The following TRDMT1 variants were observed in gnomAD, a reference collection of about 807,000 sequenced individuals.
TRDMT1 encodes the protein tRNA aspartic acid methyltransferase 1.
In TRDMT1, 49 loss-of-function variants were observed where a neutral mutation model predicts 51.2. That is an observed-to-expected ratio of 0.96 (90% CI 0.76 to 1.21). The LOEUF is 1.21. Ranked by LOEUF, TRDMT1 falls within the 50% of genes most tolerant of loss-of-function variation. The probability of loss-of-function intolerance (pLI) is 0.00; values close to 1 mark genes in which losing one functional copy is unlikely to be tolerated. For missense variants in TRDMT1, 534 were observed against 462.3 expected (o/e 1.16, Z -1.42); for synonymous variants, 187 against 164.6 (o/e 1.14, Z -1.04).
chr10:17,168,710 G>C (rs1437077994), intron 3 of TRDMT1, 131 bp downstream of exon 3: 5 of 622,606 alleles, frequency 8.0e-6, no homozygotes, highest in Non-Finnish European at 1.4e-5. Flanking sequence ...ATGATTGTGA[G>C]GTTTCCCTAG....
At chr10:17,192,683 C>T (rs373367839) in intron 1 of TRDMT1, among the ~76,000 whole-genome samples, 1 of 152,184 alleles carries the variant, frequency 6.6e-6, no homozygotes, top group East Asian at 1.9e-4. Flanking sequence ...AGCCAAACAG[C>T]TTCTTTACTT....
chr10:17,189,221 G>A (rs373611774), intron 1 of TRDMT1, among the ~76,000 whole-genome samples: 10 of 152,126 alleles, frequency 6.6e-5, no homozygotes, highest in Non-Finnish European at 1.3e-4. Context: ...CTATAAGAGT[G>A]TATGTATATA....
Position 17,141,877 on chromosome 10 carries a change from T to C in TRDMT1, c.*7163A>G, listed in dbSNP as rs551811545. ...TAAATTTCTGAAAATAAAGTTAATG[T>C]AACAGACAAAATGTCCAGGATCTAA... On this transcript the variant is annotated 3_prime_UTR_variant, in exon 11 of 11. Coordinates refer to ENST00000377799, the MANE Select transcript of TRDMT1 (RefSeq NM_004412.7). Among the ~76,000 whole-genome samples the C allele has an allele frequency of 1.3e-5, 2 of 152,364 alleles. No individual in the cohort carries two copies. The highest frequency in any genetic ancestry group is 4.8e-5 in the African/African-American group (2 of 41,588).
At chr10:17,198,990 A>T (rs1845806373) in intron 1 of TRDMT1, among the ~76,000 whole-genome samples, 1 of 152,340 alleles carries the variant, frequency 6.6e-6, no homozygotes, top group East Asian at 1.9e-4. Context: ...AGGTAGACCT[A>T]GGTTAAAATA....
At chr10:17,194,038 T>C (rs376112081) in intron 1 of TRDMT1, among the ~76,000 whole-genome samples, 1 of 151,556 alleles carries the variant, frequency 6.6e-6, no homozygotes, top group South Asian at 2.1e-4. Context: ...TTCAACAAAG[T>C]AGACAAAAAA....
chr10:17,195,793 C>A (rs1267014968), intron 1 of TRDMT1, among the ~76,000 whole-genome samples: 1 of 151,954 alleles, frequency 6.6e-6, no homozygotes, highest in Non-Finnish European at 1.5e-5. Flanking sequence ...TCCACAGCTG[C>A]CAGAGAAGAA....
rs1249797200 is a variant in TRDMT1, at chr10:17,142,625, AC to A, written c.*6414del. The A allele has an allele frequency of 2.0e-5, 3 of 151,896 alleles. No homozygotes were observed. Among genetic ancestry groups the A allele is most frequent in the Admixed American group, 6.6e-5 (1 of 15,236 alleles). 9.4% of individuals were successfully genotyped at this position (151,896 alleles called of 1,614,324 possible). On this transcript the variant is annotated 3_prime_UTR_variant, in exon 11 of 11. Coordinates refer to ENST00000377799, the MANE Select transcript of TRDMT1 (RefSeq NM_004412.7). ...TGTTTGTCAGTGGGATTCCTGATAT[AC>A]CCCCGTGCTGGTAGAGCCAGACTCA...
chr10:17,198,046 G>A (rs1482646170), intron 1 of TRDMT1, among the ~76,000 whole-genome samples: 3 of 147,326 alleles, frequency 2.0e-5, no homozygotes, highest in East Asian at 3.9e-4. Flanking sequence ...AAAAAAAAAA[G>A]AAAGAAAAAG....
intron 1 of TRDMT1, among the ~76,000 whole-genome samples, chr10:17,180,038 G>A (rs2131550620): frequency 6.6e-6 from 1 of 152,198 alleles, no homozygotes; most frequent in Admixed American, 6.5e-5. Context: ...AAGAAGTATA[G>A]GTCTTCAGAT....
chr10:17,179,443 T>C (rs1843006180), intron 1 of TRDMT1, among the ~76,000 whole-genome samples: 1 of 152,102 alleles, frequency 6.6e-6, no homozygotes, highest in South Asian at 2.1e-4. Context: ...AACGAACGCC[T>C]AGGATACAGT....
At position 17,153,446 on chromosome 10, in the gene TRDMT1, C is replaced by T. The variant is rs1439611223; in HGVS notation, c.1075+61G>A. On this transcript the variant is annotated intron_variant, in intron 10 of 10. Coordinates refer to ENST00000377799, the MANE Select transcript of TRDMT1 (RefSeq NM_004412.7). ...TTAGGCAAGTCCTAGACACACAAGTCCCTAAAGATTTTTGAGAGTTTTAAT... is the reference window on the plus strand; with the variant it reads ...TTAGGCAAGTCCTAGACACACAAGTTCCTAAAGATTTTTGAGAGTTTTAAT... 7.5e-6 allele frequency: 12 copies of T among 1,593,482 alleles called. 1 individual carries two copies. In the African/African-American group the frequency reaches 8.1e-5, roughly 11 times the overall value.
At chr10:17,190,472 C>A (rs1844544013) in intron 1 of TRDMT1, among the ~76,000 whole-genome samples, 2 of 150,218 alleles carry the variant, frequency 1.3e-5, no homozygotes, top group South Asian at 4.2e-4. Context: ...ATTATTTTGG[C>A]CATAGCTCAC....
At chr10:17,194,651 A>G (rs9804306) in intron 1 of TRDMT1, among the ~76,000 whole-genome samples, 99,060 of 152,030 alleles carry the variant, frequency 0.65, 32,605 homozygotes, top group Non-Finnish European at 0.68. Context: ...GTCAATAAAA[A>G]GCTAGGCGTG....
At chr10:17,182,812 T>A (rs964518485) in intron 1 of TRDMT1, among the ~76,000 whole-genome samples, 2 of 152,172 alleles carry the variant, frequency 1.3e-5, no homozygotes, top group Non-Finnish European at 2.9e-5. Context: ...GTAAAACAGT[T>A]AAAATAGAAA....
chr10:17,162,639 T>G (rs893030193), intron 3 of TRDMT1, among the ~76,000 whole-genome samples: 12 of 152,038 alleles, frequency 7.9e-5, no homozygotes, highest in Non-Finnish European at 1.5e-4. Flanking sequence ...GCCCGGGAGT[T>G]CCAGACCAGC....
intron 5 of TRDMT1, among the ~76,000 whole-genome samples, chr10:17,160,597 A>C (rs1193088481): frequency 2.0e-5 from 3 of 151,928 alleles, no homozygotes; most frequent in Non-Finnish European, 2.9e-5. Context: ...CAGTCTCCTG[A>C]GTAACTGGGA....
chr10:17,175,427 T>C (rs1027391449), intron 1 of TRDMT1, among the ~76,000 whole-genome samples: 19 of 152,130 alleles, frequency 1.2e-4, no homozygotes, highest in Admixed American at 1.1e-3. Context: ...AACTCCACAA[T>C]TGTAGCCGTA....
Position 17,138,565 on chromosome 10 carries a change from T to G in TRDMT1, c.*10475A>C, listed in dbSNP as rs187945241. Among the ~76,000 whole-genome samples the G allele has an allele frequency of 1.3e-5, 2 of 152,356 alleles. No homozygotes were observed. The highest frequency in any genetic ancestry group is 3.4e-3 in the Middle Eastern group (1 of 294). ...GATGAACTGATCTTTTTGAAAGCAG[T>G]GTGGTCTTGGCTCAAGGCACATAAA... On this transcript the variant is annotated 3_prime_UTR_variant, in exon 11 of 11. Coordinates refer to ENST00000377799, the MANE Select transcript of TRDMT1 (RefSeq NM_004412.7).
chr10:17,154,579 G>T, intron 9 of TRDMT1, 98 bp downstream of exon 9: 1 of 700,502 alleles, frequency 1.4e-6, no homozygotes, highest in Non-Finnish European at 2.2e-6. Flanking sequence ...TATATTCATG[G>T]CCAGTTGAAT....
Sources: allele counts gnomAD v4.1 joint callset (sites outside exome capture counted in the v4.1 genomes callset), GRCh38; gene constraint gnomAD v4.1.1; transcripts MANE v1.5; gene names NCBI Gene and HGNC (gene_info 2026-07-23, HGNC 2026-07-21).